The following ZNF264 variants were observed in gnomAD, a reference collection of about 807,000 sequenced individuals.
ZNF264 encodes the protein zinc finger protein 264.
In ZNF264, 11 loss-of-function variants were observed where a neutral mutation model predicts 11.2. The ratio of observed to expected loss-of-function variants is 0.98; its 90% CI spans 0.62 to 1.63. The LOEUF (loss-of-function observed/expected upper bound fraction) is 1.63. ZNF264 is among the 40% of genes most tolerant of loss of function. The pLI is 0.00. For missense variants in ZNF264, 752 were observed against 768.1 expected (o/e 0.98, Z 0.25); for synonymous variants, 309 against 279.8 (o/e 1.10, Z -1.04).
chr19:57,192,045 C>T, intron 1 of ZNF264, 99 bp downstream of exon 1: 3 of 1,177,710 alleles, frequency 2.5e-6, no homozygotes, highest in South Asian at 2.0e-5. Flanking sequence ...TTTGTCTTCG[C>T]AGTCGTCGTT....
intron 2 of ZNF264, among the ~76,000 whole-genome samples, chr19:57,201,514 A>G (rs559506092): frequency 1.3e-5 from 2 of 152,128 alleles, no homozygotes; most frequent in East Asian, 1.9e-4. Context: ...AACACAATCC[A>G]TCAGAGGAAG....
intron 2 of ZNF264, among the ~76,000 whole-genome samples, chr19:57,204,757 G>T (rs560664684): frequency 2.7e-4 from 41 of 152,320 alleles, no homozygotes; most frequent in Middle Eastern, 3.4e-3. Context: ...TTGCAATCCT[G>T]TTGCCATCAG....
intron 2 of ZNF264, among the ~76,000 whole-genome samples, chr19:57,201,246 CTT>C (rs35831693): frequency 0.094 from 14,220 of 151,680 alleles, 1,317 homozygotes; most frequent in African/African-American, 0.22. Flanking sequence ...TTATTTCTCT[CTT>C]TGTGTTTTAG....
chr19:57,206,186 T>A lies in ZNF264; in HGVS notation c.256+694T>A, dbSNP rs1409289854. On this transcript the variant is annotated intron_variant, in intron 3 of 3. Coordinates refer to ENST00000263095, the MANE Select transcript of ZNF264 (RefSeq NM_003417.5). Reference sequence around the variant, plus strand: ...CTTGTCCAAGGAGAAGAGCAGAAGGTTTGGTGAGCACCTACTCTCAGTCCA... The same window carrying A: ...CTTGTCCAAGGAGAAGAGCAGAAGGATTGGTGAGCACCTACTCTCAGTCCA... Among the ~76,000 whole-genome samples, 5 of 152,258 alleles carry A rather than the reference T, an allele frequency of 3.3e-5. No homozygotes were observed. The East Asian group carries it at 9.7e-4, about 29-fold the overall frequency.
chr19:57,204,396 A>G (rs1307821168), intron 2 of ZNF264, among the ~76,000 whole-genome samples: 2 of 152,138 alleles, frequency 1.3e-5, no homozygotes, highest in Non-Finnish European at 2.9e-5. Context: ...CTTGAATTGT[A>G]ATAATCCCCA....
chr19:57,202,015 G>A (rs2087256957), intron 2 of ZNF264, among the ~76,000 whole-genome samples: 1 of 151,682 alleles, frequency 6.6e-6, no homozygotes, highest in African/African-American at 2.4e-5. Context: ...AGACCAGCCT[G>A]AGCAATAAAG....
chr19:57,192,878 T>C (rs1006815466), intron 1 of ZNF264, among the ~76,000 whole-genome samples: 5 of 149,288 alleles, frequency 3.3e-5, no homozygotes. Context: ...ATTACAGGCA[T>C]GCACTACCAC....
In ZNF264 at chr19:57,213,020, G is replaced by C; in HGVS notation, c.*39G>C. On this transcript the variant is annotated 3_prime_UTR_variant, in exon 4 of 4. Coordinates refer to ENST00000263095, the MANE Select transcript of ZNF264 (RefSeq NM_003417.5). ...TGCTGAATATTACTTGTCATCTGAA[G>C]AGTCATATTAGAAATTCGTTCAGTC... 1 of 1,560,530 alleles carries C rather than the reference G, an allele frequency of 6.4e-7. No homozygotes were observed. Among genetic ancestry groups the C allele is most frequent in the East Asian group, 2.3e-5 (1 of 44,404 alleles).
rs1378981545 is a variant in ZNF264 at position 57,217,958 on chromosome 19, AT to A, written c.*4981del. The A allele has an allele frequency of 6.8e-6, 1 of 146,864 alleles. No individual in the cohort carries two copies. The highest frequency in any genetic ancestry group is 1.5e-5 in the Non-Finnish European group (1 of 66,208). 9.1% of individuals were successfully genotyped at this position (146,864 alleles called of 1,614,324 possible). On this transcript the variant is annotated 3_prime_UTR_variant, in exon 4 of 4. Coordinates refer to ENST00000263095, the MANE Select transcript of ZNF264 (RefSeq NM_003417.5). ...AGGTGTGCGCCGCCACACCCAGCTA[AT>A]TTTGTATTTTTAGTAGAGACGGGGT...
At chr19:57,196,779 A>T (rs2087214748) in intron 2 of ZNF264, among the ~76,000 whole-genome samples, 1 of 151,904 alleles carries the variant, frequency 6.6e-6, no homozygotes, top group Non-Finnish European at 1.5e-5. Context: ...AGGTCCATCC[A>T]CATCCCTCTT....
At chr19:57,192,864 T>C (rs2087185068) in intron 1 of ZNF264, among the ~76,000 whole-genome samples, 1 of 151,802 alleles carries the variant, frequency 6.6e-6, no homozygotes, top group South Asian at 2.1e-4. Flanking sequence ...GCCGAGTAGT[T>C]GGGATTACAG....
chr19:57,196,857 C>T lies in ZNF264; in HGVS notation c.160+2856C>T, dbSNP rs190161874. On this transcript the variant is annotated intron_variant, in intron 2 of 3. Coordinates refer to ENST00000263095, the MANE Select transcript of ZNF264 (RefSeq NM_003417.5). ...GAAGTCCCTGACCATCCAGCCAAAC[C>T]ATTGGCTACAGCCCATGAATCAGTA... Among the ~76,000 whole-genome samples, 13 of 152,030 alleles carry T rather than the reference C, an allele frequency of 8.6e-5. No individual in the cohort carries two copies. In the East Asian group the frequency reaches 1.5e-3, roughly 18 times the overall value.
chr19:57,200,002 TAA>T (rs1348663360), intron 2 of ZNF264, among the ~76,000 whole-genome samples: 24 of 89,692 alleles, frequency 2.7e-4, no homozygotes, highest in African/African-American at 4.5e-4. Flanking sequence ...CCTCCACTCC[TAA>T]AAAAAAAAAA....
rs538601627 is a variant in ZNF264 at position 57,211,636 on chromosome 19, A to T, written c.539A>T (p.Asp180Val). The change falls in exon 4 of 4, where the codon GAT becomes GTT. Residue 180 changes from aspartate (D) to valine (V), a missense_variant. By Grantham distance (152) the Asp-to-Val change is radical (BLOSUM62 -3). Coordinates refer to ENST00000263095, the MANE Select transcript of ZNF264 (RefSeq NM_003417.5). ...RIGQEQVSPG[D>V]RVRSHNSCES... is the part of the protein sequence containing the mutation. ...GGACAGGAGCAAGTCTCTCCAGGAG[A>T]TAGAGTCCGTAGCCATAACTCATGT... 11 of 1,614,174 alleles carry T rather than the reference A, an allele frequency of 6.8e-6. No individual in the cohort carries two copies. In the Admixed American group the frequency reaches 1.2e-4, roughly 17 times the overall value.
rs200681210 is a variant in ZNF264, at chr19:57,212,669, A to G, written c.1572A>G (p.Thr524=). ...VECGKSFCWS[T]NLIRHAIIHT... is the part of the protein sequence containing the mutation. ...GTGGGAAATCGTTTTGCTGGAGCAC[A>G]AACCTCATTCGACATGCCATTATCC... is the stretch of plus-strand genomic sequence containing the variant. Residue 524 remains threonine (T), a synonymous_variant, in exon 4 of 4, where the codon ACA becomes ACG. Coordinates refer to ENST00000263095, the MANE Select transcript of ZNF264 (RefSeq NM_003417.5). The G allele has an allele frequency of 1.2e-6, 2 of 1,613,730 alleles. No homozygotes were observed. Among genetic ancestry groups the G allele is most frequent in the African/African-American group, 2.7e-5 (2 of 74,882 alleles).
At chr19:57,205,015 G>A (rs1044760933) in intron 2 of ZNF264, among the ~76,000 whole-genome samples, 1 of 152,116 alleles carries the variant, frequency 6.6e-6, no homozygotes, top group Non-Finnish European at 1.5e-5. Context: ...GATGCTGTGA[G>A]AAAATCCTCA....
chr19:57,205,533 T>C (rs1236419591), intron 3 of ZNF264, 41 bp downstream of exon 3: 1 of 1,555,138 alleles, frequency 6.4e-7, no homozygotes, highest in Non-Finnish European at 8.8e-7. Flanking sequence ...CCCTTCTGGC[T>C]TAAGACTGGA....
rs1435537048 is a variant in ZNF264 at position 57,212,227 on chromosome 19, G to A, written c.1130G>A (p.Gly377Glu). The A allele has an allele frequency of 1.2e-6, 2 of 1,614,032 alleles. No homozygotes were observed. The highest frequency in any genetic ancestry group is 2.7e-5 in the African/African-American group (2 of 74,908). The change falls in exon 4 of 4, where the codon GGG becomes GAG. Residue 377 changes from glycine to glutamate, a missense_variant. Coordinates refer to ENST00000263095, the MANE Select transcript of ZNF264 (RefSeq NM_003417.5). ...AAGCCCTATGAGTGCAGTGAATGTGGGAAGGTCTTCTTGGAGAGTGCAGCC... is the reference window on the plus strand; with the variant it reads ...AAGCCCTATGAGTGCAGTGAATGTGAGAAGGTCTTCTTGGAGAGTGCAGCC... The part of the protein sequence containing the change: ...GEKPYECSEC[G>E]KVFLESAALI...
intron 2 of ZNF264, among the ~76,000 whole-genome samples, chr19:57,196,114 G>T (rs1438571912): frequency 6.6e-6 from 1 of 151,828 alleles, no homozygotes; most frequent in Non-Finnish European, 1.5e-5. Context: ...GACTACAAAA[G>T]GTCATTCCAC....
Sources: allele counts gnomAD v4.1 joint callset (sites outside exome capture counted in the v4.1 genomes callset), GRCh38; gene constraint gnomAD v4.1.1; transcripts MANE v1.5; gene names NCBI Gene and HGNC (gene_info 2026-07-23, HGNC 2026-07-21).